ADARB2: variants seen among roughly 807,000 people sequenced by gnomAD.
ADARB2 encodes inactive double-stranded RNA-specific editase B2.
In ADARB2, 25 loss-of-function variants were observed where a neutral mutation model predicts 62.2. That is an observed-to-expected ratio of 0.40 (90% CI 0.29 to 0.56). The LOEUF is 0.56. Among genes scored for constraint, ADARB2 ranks in the 20% least tolerant of loss-of-function variants. The pLI is 0.43. For synonymous variants in ADARB2, 572 were observed against 500.8 expected, an observed-to-expected ratio of 1.14 and a Z score of -1.90; for missense variants, 1,071 against 1,077.4, an observed-to-expected ratio of 0.99 and a Z score of 0.08.
chr10:1,338,845 T>C lies in ADARB2; in HGVS notation c.1077+24183A>G, dbSNP rs116632017. On this transcript the variant is annotated intron_variant, in intron 3 of 9. Transcript: ENST00000381312. ...CAGGGCGGTGGGTGGGCTGTCTGCT[T>C]CCTTGCATGGGCTGGAGGGCAGGGT... Among the ~76,000 whole-genome samples, 695 of 152,186 alleles carry C rather than the reference T, an allele frequency of 4.6e-3. 11 individuals carry two copies. Among genetic ancestry groups the C allele is most frequent in the African/African-American group, 0.016 (644 of 41,524 alleles).
chr10:1,457,337 G>T (rs1300681156), intron 1 of ADARB2, among the ~76,000 whole-genome samples: 1 of 152,142 alleles, frequency 6.6e-6, no homozygotes, highest in African/African-American at 2.4e-5. Flanking sequence ...ATTCCAGGAG[G>T]GTTCCGAGTT....
rs1315838595 is a variant in ADARB2 at position 1,178,365 on chromosome 10, G to A, written c.*4828C>T. 1 of 152,358 alleles carries A rather than the reference G, an allele frequency of 6.6e-6. No individual in the cohort carries two copies. The highest frequency in any genetic ancestry group is 1.5e-5 in the Non-Finnish European group (1 of 68,112). 9.4% of individuals were successfully genotyped at this position (152,358 alleles called of 1,614,324 possible). On this transcript the variant is annotated 3_prime_UTR_variant, in exon 10 of 10. Coordinates refer to ENST00000381312, the MANE Select transcript of ADARB2 (RefSeq NM_018702.4). ...GGCTTCCCAGAAACAGCCTGAGAAG[G>A]AAGCTCCTCTGTCTCCACCGCATCT...
At chr10:1,224,715 T>C (rs1008017795) in intron 6 of ADARB2, among the ~76,000 whole-genome samples, 8 of 152,358 alleles carry the variant, frequency 5.3e-5, no homozygotes, top group African/African-American at 1.9e-4. Context: ...GGTTGTTCAG[T>C]TTCCACGTAG....
intron 1 of ADARB2, among the ~76,000 whole-genome samples, chr10:1,561,714 C>A (rs1832787697): frequency 6.6e-6 from 1 of 152,106 alleles, no homozygotes; most frequent in Non-Finnish European, 1.5e-5. Context: ...TGCACCGTAC[C>A]CTAGAACTCC....
At chr10:1,187,873 T>G (rs1303832667) in intron 8 of ADARB2, 2 of 430,136 alleles carry the variant, frequency 4.6e-6, no homozygotes, top group Admixed American at 4.8e-5. Context: ...TGTGTCCATA[T>G]GTGCACAGGG....
intron 1 of ADARB2, among the ~76,000 whole-genome samples, chr10:1,586,104 G>A (rs191605133): frequency 6.6e-5 from 10 of 152,236 alleles, no homozygotes; most frequent in African/African-American, 1.7e-4. Context: ...TTGGGCACAC[G>A]TCATCAGGAC....
chr10:1,505,645 C>T (rs937718299), intron 1 of ADARB2, among the ~76,000 whole-genome samples: 1 of 152,096 alleles, frequency 6.6e-6, no homozygotes, highest in African/African-American at 2.4e-5. Context: ...CACTCCCATC[C>T]CCACCATGGC....
At chr10:1,298,074 G>A (rs1831538838) in intron 3 of ADARB2, among the ~76,000 whole-genome samples, 1 of 152,098 alleles carries the variant, frequency 6.6e-6, no homozygotes, top group South Asian at 2.1e-4. Context: ...CCTCCTATTT[G>A]AGATAGCAAA....
intron 1 of ADARB2, 93 bp from the exon 2 acceptor site, chr10:1,379,253 G>C: frequency 9.5e-7 from 1 of 1,050,332 alleles, no homozygotes; most frequent in South Asian, 1.3e-5. Flanking sequence ...TGTTGGACAA[G>C]GGAGGTGGAG....
intron 2 of ADARB2, among the ~76,000 whole-genome samples, chr10:1,367,101 T>G (rs1832320259): frequency 1.3e-5 from 2 of 152,044 alleles, no homozygotes; most frequent in South Asian, 4.2e-4. Context: ...AACATACATT[T>G]CATAGGCACA....
intron 8 of ADARB2, chr10:1,199,318 C>T (rs1348497413): frequency 6.6e-6 from 1 of 152,198 alleles, no homozygotes; most frequent in African/African-American, 2.4e-5. Flanking sequence ...TTCTAGGGCA[C>T]CTCGCAGCTG....
At chr10:1,335,054 C>A (rs1031953924) in intron 3 of ADARB2, among the ~76,000 whole-genome samples, 22 of 152,204 alleles carry the variant, frequency 1.4e-4, no homozygotes, top group Non-Finnish European at 2.5e-4. Context: ...ACATTTTAAA[C>A]ATGACACCCA....
Position 1,180,443 on chromosome 10 carries a change from C to T in ADARB2, c.*2750G>A, listed in dbSNP as rs1008679421. 3.3e-5 allele frequency: 5 copies of T among 152,704 alleles called. No homozygotes were observed. The highest frequency in any genetic ancestry group is 5.8e-5 in the Non-Finnish European group (4 of 68,450). The allele number at this position is 152,704 out of a possible 1,614,324, so 9.5% of individuals were successfully genotyped here. A position where few individuals can be genotyped will look rare whatever the true frequency, so the allele number is the denominator to read the frequency against. ...CCGGGTCTTCCAGGCACACCTGGGGCTGTGGGAATCCTGGGACCTGGCCCC... is the reference window on the plus strand; with the variant it reads ...CCGGGTCTTCCAGGCACACCTGGGGTTGTGGGAATCCTGGGACCTGGCCCC... On this transcript the variant is annotated 3_prime_UTR_variant, in exon 10 of 10. Transcript: ENST00000381312.
intron 5 of ADARB2, among the ~76,000 whole-genome samples, chr10:1,234,528 C>T (rs1830844378): frequency 6.6e-6 from 1 of 151,538 alleles, no homozygotes; most frequent in African/African-American, 2.4e-5. Context: ...GTAGCCTCAG[C>T]TTCCTGGGCT....
chr10:1,405,149 A>G (rs1832696992), intron 1 of ADARB2, among the ~76,000 whole-genome samples: 2 of 152,198 alleles, frequency 1.3e-5, no homozygotes, highest in Admixed American at 1.3e-4. Context: ...CCCAGGCCCC[A>G]TTATGCATGT....
In ADARB2 at chr10:1,467,621, C is replaced by A. The variant is rs559062298; in HGVS notation, c.101-88461G>T. The stretch of plus-strand genomic sequence containing the variant: ...CCGCTGACACTGTGCCCAGCAAAAC[C>A]AGCACACACGGACTATTAACTGGTC... On this transcript the variant is annotated intron_variant, in intron 1 of 9. Transcript: ENST00000381312. Among the ~76,000 whole-genome samples the A allele has an allele frequency of 2.1e-4, 32 of 152,312 alleles. 1 individual carries two copies. Among genetic ancestry groups the A allele is most frequent in the Admixed American group, 4.6e-4 (7 of 15,304 alleles).
chr10:1,402,974 C>G (rs546515588), intron 1 of ADARB2, among the ~76,000 whole-genome samples: 1 of 152,348 alleles, frequency 6.6e-6, no homozygotes, highest in South Asian at 2.1e-4. Flanking sequence ...GTGTTTGTTC[C>G]GTGAGGGGCA....
At chr10:1,271,371 C>G (rs1054452175) in intron 3 of ADARB2, among the ~76,000 whole-genome samples, 4 of 152,230 alleles carry the variant, frequency 2.6e-5, no homozygotes, top group Non-Finnish European at 5.9e-5. Context: ...CTCCCTGCCT[C>G]TCAGAGCAGT....
At chr10:1,306,398 G>C (rs1235198965) in intron 3 of ADARB2, among the ~76,000 whole-genome samples, 1 of 151,564 alleles carries the variant, frequency 6.6e-6, no homozygotes, top group East Asian at 1.9e-4. Flanking sequence ...CACTGCTCAA[G>C]GAAATGAAAG....
Sources: allele counts gnomAD v4.1 joint callset (sites outside exome capture counted in the v4.1 genomes callset), GRCh38; gene constraint gnomAD v4.1.1; transcripts MANE v1.5; gene names NCBI Gene and HGNC (gene_info 2026-07-23, HGNC 2026-07-21).